DIP2C: variants seen among roughly 807,000 people sequenced by gnomAD.
The protein encoded by DIP2C is disco-interacting protein 2 homolog C.
In DIP2C, 33 loss-of-function variants were observed where a neutral mutation model predicts 192.4. The observed-to-expected ratio is 0.17, with a 90% CI of 0.13 to 0.23. The LOEUF is 0.23. Among genes scored for constraint, DIP2C ranks in the 10% least tolerant of loss-of-function variants. DIP2C has a pLI of 1.00. For missense variants in DIP2C, 1,537 were observed against 2,110.1 expected (o/e 0.73, Z 5.32); for synonymous variants, 979 against 864.1 (o/e 1.13, Z -2.33).
intron 3 of DIP2C, among the ~76,000 whole-genome samples, chr10:467,650 G>A (rs889123819): frequency 4.0e-5 from 6 of 150,266 alleles, no homozygotes; most frequent in African/African-American, 1.2e-4. Flanking sequence ...CATGTCCTTT[G>A]CAGGGACATG....
intron 1 of DIP2C, among the ~76,000 whole-genome samples, chr10:500,375 A>G (rs1845140807): frequency 6.6e-6 from 1 of 152,290 alleles, no homozygotes; most frequent in Non-Finnish European, 1.5e-5. Context: ...CCACAAGTCC[A>G]GGATACATGA....
At chr10:396,347 C>A (rs1306755231) in intron 10 of DIP2C, among the ~76,000 whole-genome samples, 1 of 152,142 alleles carries the variant, frequency 6.6e-6, no homozygotes, top group East Asian at 1.9e-4. Context: ...TCAGGAAAAC[C>A]ACCTCCCCCC....
chr10:555,071 C>T (rs1480154914), intron 1 of DIP2C, among the ~76,000 whole-genome samples: 2 of 152,142 alleles, frequency 1.3e-5, no homozygotes, highest in African/African-American at 4.8e-5. Flanking sequence ...ATGTTTATCA[C>T]AACTAATTCT....
intron 9 of DIP2C, among the ~76,000 whole-genome samples, chr10:406,012 C>A (rs1589719835): frequency 6.6e-6 from 1 of 152,220 alleles, no homozygotes; most frequent in East Asian, 1.9e-4. Context: ...CCAAACCAAT[C>A]CCTGCCCAAA....
intron 1 of DIP2C, among the ~76,000 whole-genome samples, chr10:586,246 A>C (rs1416656294): frequency 6.6e-6 from 1 of 152,260 alleles, no homozygotes; most frequent in Non-Finnish European, 1.5e-5. Flanking sequence ...GCAGATGCTG[A>C]GAATGGACGC....
chr10:357,468 C>T (rs1214056710), intron 23 of DIP2C, among the ~76,000 whole-genome samples: 1 of 152,228 alleles, frequency 6.6e-6, no homozygotes, highest in East Asian at 1.9e-4. Flanking sequence ...CAGACATTTG[C>T]CTCGGTCCTG....
At chr10:635,757 A>G (rs1310949933) in intron 1 of DIP2C, among the ~76,000 whole-genome samples, 1 of 152,218 alleles carries the variant, frequency 6.6e-6, no homozygotes, top group African/African-American at 2.4e-5. Context: ...TGAGACCTCG[A>G]GGCCCTGCAG....
chr10:577,588 G>T (rs909414108), intron 1 of DIP2C, among the ~76,000 whole-genome samples: 2 of 152,182 alleles, frequency 1.3e-5, no homozygotes, highest in African/African-American at 2.4e-5. Context: ...AACGCATGAT[G>T]GGATGAAGGG....
intron 1 of DIP2C, among the ~76,000 whole-genome samples, chr10:522,740 T>C (rs534320163): frequency 3.3e-5 from 5 of 152,384 alleles, no homozygotes; most frequent in African/African-American, 9.6e-5. Flanking sequence ...TTTCTTATTA[T>C]TGGGTTTTGA....
At chr10:517,909 A>T (rs984047940) in intron 1 of DIP2C, among the ~76,000 whole-genome samples, 4 of 152,220 alleles carry the variant, frequency 2.6e-5, no homozygotes, top group African/African-American at 4.8e-5. Context: ...TCTTCTGTGC[A>T]GTTTCACCAC....
intron 3 of DIP2C, among the ~76,000 whole-genome samples, chr10:456,079 A>C (rs191729790): frequency 4.3e-5 from 3 of 70,108 alleles, no homozygotes; most frequent in Non-Finnish European, 7.5e-5. Context: ...GTGAGGAATA[A>C]ATGAGATGAA....
intron 3 of DIP2C, among the ~76,000 whole-genome samples, chr10:458,123 G>A (rs1400864492): frequency 6.6e-6 from 1 of 152,210 alleles, no homozygotes; most frequent in African/African-American, 2.4e-5. Context: ...ATACTGGACA[G>A]GGCAGCTCCC....
intron 1 of DIP2C, among the ~76,000 whole-genome samples, chr10:576,864 C>T (rs542833728): frequency 2.6e-5 from 4 of 151,986 alleles, no homozygotes; most frequent in African/African-American, 7.3e-5. Context: ...GAACCAAGAT[C>T]GTACTGTTGT....
intron 1 of DIP2C, among the ~76,000 whole-genome samples, chr10:487,106 G>A (rs1057349862): frequency 1.3e-5 from 2 of 152,240 alleles, no homozygotes; most frequent in African/African-American, 4.8e-5. Context: ...GAATCCACAT[G>A]TTAAAGCTCA....
intron 26 of DIP2C, 128 bp downstream of exon 26, chr10:348,513 G>T: frequency 6.9e-7 from 1 of 1,451,664 alleles, no homozygotes; most frequent in Non-Finnish European, 9.3e-7. Flanking sequence ...TGTCCTGACC[G>T]TTTGACTCCA....
intron 4 of DIP2C, among the ~76,000 whole-genome samples, chr10:429,227 T>C (rs1197921772): frequency 1.2e-3 from 19 of 15,696 alleles, no homozygotes; most frequent in African/African-American, 8.6e-3. Flanking sequence ...CCTGGCTGCC[T>C]CCCCCCCGGA....
chr10:395,719 G>A (rs1963935366), intron 10 of DIP2C, among the ~76,000 whole-genome samples: 1 of 152,200 alleles, frequency 6.6e-6, no homozygotes, highest in African/African-American at 2.4e-5. Context: ...CTTCTGAGAG[G>A]GGTTTTGGTG....
chr10:421,115 G>A lies in DIP2C; in HGVS notation c.604+1709C>T, dbSNP rs146867962. ...GCTTTTTTTCCAAAAAAATTTCAAA[G>A]TTACAGAAAATTTCCAGATAGTCTA... On this transcript the variant is annotated intron_variant, in intron 5 of 36. Coordinates refer to ENST00000280886, the MANE Select transcript of DIP2C (RefSeq NM_014974.3). Among the ~76,000 whole-genome samples the A allele has an allele frequency of 1.0e-3, 157 of 152,206 alleles. 1 individual carries two copies. The highest frequency in any genetic ancestry group is 3.5e-3 in the African/African-American group (145 of 41,520).
chr10:672,417 G>A (rs1830697633), intron 1 of DIP2C, among the ~76,000 whole-genome samples: 1 of 152,220 alleles, frequency 6.6e-6, no homozygotes, highest in Admixed American at 6.5e-5. Context: ...TCCCACTAGG[G>A]ACTCCCCGCC....
Sources: allele counts gnomAD v4.1 joint callset (sites outside exome capture counted in the v4.1 genomes callset), GRCh38; gene constraint gnomAD v4.1.1; transcripts MANE v1.5; gene names NCBI Gene and HGNC (gene_info 2026-07-23, HGNC 2026-07-21).